The following NOSTRIN variants were observed in gnomAD, a reference collection of about 807,000 sequenced individuals.
The protein encoded by NOSTRIN is nitric oxide synthase trafficking, also known as BM247 homolog.
Under a neutral mutation model 59.0 loss-of-function variants are expected in NOSTRIN, and 63 were observed. The ratio of observed to expected loss-of-function variants is 1.07; its 90% CI spans 0.87 to 1.32. NOSTRIN has a LOEUF of 1.32. NOSTRIN is among the 40% of genes most tolerant of loss of function. The pLI is 0.00. For missense variants in NOSTRIN, 512 were observed against 473.1 expected (o/e 1.08, Z -0.76); for synonymous variants, 200 against 165.4 (o/e 1.21, Z -1.61).
intron 15 of NOSTRIN, among the ~76,000 whole-genome samples, chr2:168,862,408 C>A (rs1424190138): frequency 1.3e-5 from 2 of 152,212 alleles, no homozygotes; most frequent in Non-Finnish European, 2.9e-5. Flanking sequence ...CTTGGAAACA[C>A]AGTCATGCTC....
intron 7 of NOSTRIN, among the ~76,000 whole-genome samples, chr2:168,835,160 C>T (rs1389752140): frequency 6.6e-6 from 1 of 151,970 alleles, no homozygotes; most frequent in Admixed American, 6.6e-5. Flanking sequence ...TTGCATCCTC[C>T]CACTCCAGGC....
intron 7 of NOSTRIN, among the ~76,000 whole-genome samples, chr2:168,839,020 G>A (rs2947934): frequency 0.6 from 90,599 of 151,698 alleles, 27,768 homozygotes; most frequent in African/African-American, 0.72. Context: ...CCTGACCACA[G>A]GTGATCTGCC....
In NOSTRIN at chr2:168,839,900, A is replaced by AAT. The variant is rs1199350074; in HGVS notation, c.505-3071_505-3070dup. On this transcript the variant is annotated intron_variant, in intron 7 of 15. Transcript: ENST00000317647. ...ACTCCGTCTCAAAAAAAAAAAAAAAAATATATATATATATATATATATGTG... is the reference window on the plus strand; with the variant it reads ...ACTCCGTCTCAAAAAAAAAAAAAAAAATATATATATATATATATATATATGTG... 7.9e-4 allele frequency among the ~76,000 whole-genome samples: 97 copies of AAT among 123,182 alleles called. 1 individual carries two copies. The highest frequency in any genetic ancestry group is 1.1e-3 in the East Asian group (5 of 4,360). 80.8% of individuals were successfully genotyped at this position (123,182 alleles called of 152,430 possible).
At chr2:168,802,279 C>G (rs1461345421), upstream of NOSTRIN, 3 of 225,692 alleles carry the variant, frequency 1.3e-5, no homozygotes, top group South Asian at 1.4e-4. Flanking sequence ...ATTAATACTG[C>G]AGGCTGAGAG....
In NOSTRIN at chr2:168,843,084, G is replaced by T. The variant is rs1408189883; in HGVS notation, c.597G>T (p.Leu199=). Residue 199 remains leucine, a synonymous_variant, in exon 8 of 16, where the codon CTG becomes CTT. Transcript: ENST00000317647. ...ACATGGCGGGTTATTCTACCAGACT[G>T]AAATGGGAAAACACACTAGAGAACT... ...QKNMAGYSTR[L]KWENTLENCY... is the part of the protein sequence containing the mutation. 1 of 872,474 alleles carries T rather than the reference G, an allele frequency of 1.1e-6. No individual in the cohort carries two copies. The highest frequency in any genetic ancestry group is 2.4e-5 in the East Asian group (1 of 41,698). 54.0% of individuals were successfully genotyped at this position (872,474 alleles called of 1,614,324 possible). A position where few individuals can be genotyped will look rare whatever the true frequency, so the allele number is the denominator to read the frequency against.
chr2:168,819,765 A>G (rs1452155864), intron 2 of NOSTRIN, among the ~76,000 whole-genome samples: 1 of 152,208 alleles, frequency 6.6e-6, no homozygotes, highest in African/African-American at 2.4e-5. Flanking sequence ...GGGGTCATCA[A>G]TAAGTTGCAG....
chr2:168,795,566 C>T (rs1402836843), upstream of NOSTRIN, among the ~76,000 whole-genome samples: 1 of 152,144 alleles, frequency 6.6e-6, no homozygotes, highest in African/African-American at 2.4e-5. Context: ...CCTCTTCTTT[C>T]TCCATTAACA....
intron 14 of NOSTRIN, among the ~76,000 whole-genome samples, chr2:168,861,494 AAAAAG>A (rs1689447980): frequency 6.6e-6 from 1 of 152,180 alleles, no homozygotes; most frequent in Non-Finnish European, 1.5e-5. Context: ...TAAAAAAAAA[AAAAAG>A]AACTTCAGTA....
Position 168,832,820 on chromosome 2 carries a change from C to G in NOSTRIN, c.405+1286C>G, listed in dbSNP as rs1687441405. 2.6e-5 allele frequency among the ~76,000 whole-genome samples: 4 copies of G among 152,130 alleles called. No individual in the cohort carries two copies. In the South Asian group the frequency reaches 8.3e-4, roughly 31 times the overall value. ...TTAAAGAAATAGAGACAGGGTCTTGCTATGTTGCCCAGGCTGATCCCGAAC... is the reference window on the plus strand; with the variant it reads ...TTAAAGAAATAGAGACAGGGTCTTGGTATGTTGCCCAGGCTGATCCCGAAC... On this transcript the variant is annotated intron_variant, in intron 6 of 15. Transcript: ENST00000317647.
chr2:168,833,772 G>A (rs1687510615), intron 6 of NOSTRIN, among the ~76,000 whole-genome samples: 1 of 151,630 alleles, frequency 6.6e-6, no homozygotes. Context: ...GAGCAGAATT[G>A]TGACCCTTGC....
chr2:168,787,530 C>T (rs1685236631), intron 1 of NOSTRIN, among the ~76,000 whole-genome samples: 1 of 152,192 alleles, frequency 6.6e-6, no homozygotes, highest in Non-Finnish European at 1.5e-5. Context: ...CATTTAACTC[C>T]ATCAGAACAC....
At chr2:168,815,215 A>G (rs1366965318) in intron 2 of NOSTRIN, among the ~76,000 whole-genome samples, 1 of 152,212 alleles carries the variant, frequency 6.6e-6, no homozygotes, top group Non-Finnish European at 1.5e-5. Context: ...TTTTGCCTGG[A>G]TATTCTGCAA....
At chr2:168,824,210 A>C (rs566930405) in intron 2 of NOSTRIN, among the ~76,000 whole-genome samples, 21 of 152,098 alleles carry the variant, frequency 1.4e-4, no homozygotes, top group African/African-American at 5.1e-4. Flanking sequence ...TAGGCATTAC[A>C]TTTTCAGCCT....
intron 7 of NOSTRIN, among the ~76,000 whole-genome samples, chr2:168,841,250 A>G (rs1223951028): frequency 2.1e-5 from 3 of 139,806 alleles, no homozygotes; most frequent in East Asian, 2.1e-4. Context: ...AAAAAAAAAA[A>G]AAAAAAAAAA....
chr2:168,805,576 T>C (rs1685805592), intron 1 of NOSTRIN, among the ~76,000 whole-genome samples: 1 of 152,166 alleles, frequency 6.6e-6, no homozygotes, highest in Admixed American at 6.5e-5. Flanking sequence ...CAAGGACAAG[T>C]AACAAGCTGT....
chr2:168,858,220 C>T (rs1156652564), intron 12 of NOSTRIN, among the ~76,000 whole-genome samples: 1 of 152,188 alleles, frequency 6.6e-6, no homozygotes, highest in Non-Finnish European at 1.5e-5. Context: ...CAGTGGAGGA[C>T]ACAAGGAGGG....
At chr2:168,834,677 A>G (rs59995368) in intron 7 of NOSTRIN, among the ~76,000 whole-genome samples, 2,932 of 151,980 alleles carry the variant, frequency 0.019, 88 homozygotes, top group African/African-American at 0.068. Flanking sequence ...CTACAGGAGC[A>G]TGCTACTTTG....
chr2:168,844,390 G>GA (rs1553531168), intron 8 of NOSTRIN, among the ~76,000 whole-genome samples: 1 of 87,192 alleles, frequency 1.1e-5, no homozygotes, highest in Non-Finnish European at 2.1e-5. Flanking sequence ...CCTGTTTTAA[G>GA]TTTAAAAAAA....
chr2:168,856,556 C>G (rs1009129226), intron 11 of NOSTRIN, 134 bp from the exon 12 acceptor site: 2 of 690,560 alleles, frequency 2.9e-6, no homozygotes, highest in Non-Finnish European at 4.9e-6. Context: ...GCCTGGGTGA[C>G]AGAGCAAGAC....
Sources: gnomAD v4.1 joint callset for allele counts (sites outside exome capture counted in the v4.1 genomes callset) on GRCh38, gnomAD v4.1.1 for gene constraint, MANE v1.5 for transcripts, NCBI Gene and HGNC (gene_info 2026-07-23, HGNC 2026-07-21) for gene names.